The following GPATCH2 variants were observed in gnomAD, a reference collection of about 807,000 sequenced individuals.
The protein encoded by GPATCH2 is G patch domain-containing protein 2.
Under a neutral mutation model 58.0 loss-of-function variants are expected in GPATCH2, and 51 were observed. The ratio of observed to expected loss-of-function variants is 0.88; its 90% CI spans 0.70 to 1.11. The LOEUF is 1.11. GPATCH2 is among the 50% of genes most tolerant of loss of function. GPATCH2 has a pLI of 0.00. For synonymous variants in GPATCH2, 222 were observed against 218.5 expected (o/e 1.02, Z -0.14); for missense variants, 625 against 652.2 (o/e 0.96, Z 0.45).
intron 5 of GPATCH2, among the ~76,000 whole-genome samples, chr1:217,550,791 A>G (rs1000695191): frequency 1.3e-5 from 2 of 151,508 alleles, no homozygotes; most frequent in African/African-American, 4.8e-5. Flanking sequence ...ATGAACAAAT[A>G]TTTTCTCTAT....
intron 5 of GPATCH2, among the ~76,000 whole-genome samples, chr1:217,541,442 T>A (rs1242758): frequency 6.6e-6 from 1 of 152,042 alleles, no homozygotes; most frequent in Non-Finnish European, 1.5e-5. Flanking sequence ...CCCCTGCAGT[T>A]TCATATTTAG....
At chr1:217,506,939 T>C (rs1197405876) in intron 6 of GPATCH2, among the ~76,000 whole-genome samples, 1 of 152,214 alleles carries the variant, frequency 6.6e-6, no homozygotes, top group African/African-American at 2.4e-5. Flanking sequence ...AAGTTCTTCT[T>C]TAGAGTACTT....
intron 8 of GPATCH2, among the ~76,000 whole-genome samples, chr1:217,459,890 A>AGAGACTTAG (rs1311979683): frequency 6.6e-6 from 1 of 152,156 alleles, no homozygotes; most frequent in Non-Finnish European, 1.5e-5. Flanking sequence ...CTCAGACTCT[A>AGAGACTTAG]AGCCAAGCTC....
At chr1:217,515,739 G>T (rs1384574271) in intron 5 of GPATCH2, among the ~76,000 whole-genome samples, 3 of 149,662 alleles carry the variant, frequency 2.0e-5, no homozygotes, top group Non-Finnish European at 3.0e-5. Context: ...TTTAAAAAAA[G>T]GACTCTTTAT....
At chr1:217,554,571 G>A (rs1357411825) in intron 5 of GPATCH2, among the ~76,000 whole-genome samples, 1 of 152,172 alleles carries the variant, frequency 6.6e-6, no homozygotes, top group Non-Finnish European at 1.5e-5. Flanking sequence ...GTTACTATGT[G>A]TTGATTCAGG....
chr1:217,562,137 T>G (rs1665958494), intron 5 of GPATCH2, among the ~76,000 whole-genome samples: 1 of 152,164 alleles, frequency 6.6e-6, no homozygotes, highest in Non-Finnish European at 1.5e-5. Flanking sequence ...AGTACTCCAG[T>G]GCTTGGGGAG....
chr1:217,545,543 T>C (rs1405682868), intron 5 of GPATCH2, among the ~76,000 whole-genome samples: 3 of 152,232 alleles, frequency 2.0e-5, no homozygotes, highest in African/African-American at 4.8e-5. Context: ...CCAATCAAAA[T>C]TGATCTGTCC....
At chr1:217,471,476 T>G (rs1278608984) in intron 8 of GPATCH2, among the ~76,000 whole-genome samples, 1 of 152,192 alleles carries the variant, frequency 6.6e-6, no homozygotes, top group East Asian at 1.9e-4. Flanking sequence ...AATGACAGTA[T>G]GGGGAAGACT....
chr1:217,614,233 A>G, intron 2 of GPATCH2, 31 bp from the exon 3 acceptor site: 1 of 1,339,826 alleles, frequency 7.5e-7, no homozygotes, highest in South Asian at 1.2e-5. Context: ...GAAACAGATC[A>G]AAAGAACAAT....
chr1:217,572,375 T>C (rs1666610062), intron 5 of GPATCH2, among the ~76,000 whole-genome samples: 1 of 152,174 alleles, frequency 6.6e-6, no homozygotes, highest in Admixed American at 6.5e-5. Flanking sequence ...CCATATTATA[T>C]GATGATGTCC....
At chr1:217,440,570 T>G (rs903191513) in intron 9 of GPATCH2, among the ~76,000 whole-genome samples, 2 of 152,174 alleles carry the variant, frequency 1.3e-5, no homozygotes, top group African/African-American at 4.8e-5. Context: ...GAAGTCAAAT[T>G]GTCTCTGTTT....
rs1007412895 is a variant in GPATCH2 at position 217,597,132 on chromosome 1, A to C, written c.1098+13189T>G. Among the ~76,000 whole-genome samples, 14 of 151,890 alleles carry C rather than the reference A, an allele frequency of 9.2e-5. No homozygotes were observed. The Middle Eastern group carries it at 0.01, about 111-fold the overall frequency. On this transcript the variant is annotated intron_variant, in intron 5 of 9. Coordinates refer to ENST00000366935, the MANE Select transcript of GPATCH2 (RefSeq NM_018040.5). Reference sequence around the variant, plus strand: ...TTAAGGCCAGGAGTTCGAGAACAGCATGGACAACATAGCAAGACCCCTGTC... The same window carrying C: ...TTAAGGCCAGGAGTTCGAGAACAGCCTGGACAACATAGCAAGACCCCTGTC...
chr1:217,603,221 A>T (rs942990595), intron 5 of GPATCH2, among the ~76,000 whole-genome samples: 2 of 152,174 alleles, frequency 1.3e-5, no homozygotes, highest in Non-Finnish European at 2.9e-5. Flanking sequence ...AGTCAAGCCA[A>T]TTCGAAGACT....
chr1:217,471,265 A>G (rs1660710840), intron 8 of GPATCH2, among the ~76,000 whole-genome samples: 1 of 152,182 alleles, frequency 6.6e-6, no homozygotes, highest in Non-Finnish European at 1.5e-5. Context: ...TAATTTTGTT[A>G]ATACATTTCT....
intron 5 of GPATCH2, among the ~76,000 whole-genome samples, chr1:217,605,136 G>A (rs1381708492): frequency 2.9e-4 from 44 of 152,164 alleles, no homozygotes; most frequent in Admixed American, 2.9e-3. Context: ...GACATACAGA[G>A]TAAATCATTA....
chr1:217,442,418 C>G (rs925719958), intron 9 of GPATCH2, among the ~76,000 whole-genome samples: 1 of 152,076 alleles, frequency 6.6e-6, no homozygotes, highest in South Asian at 2.1e-4. Context: ...TACAGCACAC[C>G]ACCATGGTAT....
chr1:217,599,334 CA>C (rs537480267), intron 5 of GPATCH2, among the ~76,000 whole-genome samples: 1,881 of 152,176 alleles, frequency 0.012, 32 homozygotes, highest in Middle Eastern at 0.055. Flanking sequence ...GCAGGAAAAT[CA>C]AAAGACAGAC....
At chr1:217,568,010 A>G (rs752274151) in intron 5 of GPATCH2, among the ~76,000 whole-genome samples, 3 of 152,070 alleles carry the variant, frequency 2.0e-5, no homozygotes, top group Non-Finnish European at 2.9e-5. Context: ...CTAGCTACTC[A>G]GGAGGCTGAG....
intron 5 of GPATCH2, among the ~76,000 whole-genome samples, chr1:217,539,181 A>T (rs1489936920): frequency 6.6e-6 from 1 of 152,176 alleles, no homozygotes; most frequent in Non-Finnish European, 1.5e-5. Flanking sequence ...ATTGACAAGT[A>T]TGAGCTCGAT....
Sources: gnomAD v4.1 joint callset for allele counts (sites outside exome capture counted in the v4.1 genomes callset) on GRCh38, gnomAD v4.1.1 for gene constraint, MANE v1.5 for transcripts, NCBI Gene and HGNC (gene_info 2026-07-23, HGNC 2026-07-21) for gene names.